Variants in P4HA3 observed in about 807,000 individuals in gnomAD.
P4HA3 encodes the protein prolyl 4-hydroxylase subunit alpha 3.
Under a neutral mutation model 66.7 loss-of-function variants are expected in P4HA3, and 60 were observed. That is an observed-to-expected ratio of 0.90 (90% CI 0.73 to 1.12). The LOEUF (loss-of-function observed/expected upper bound fraction) is 1.12. Ranked by LOEUF, P4HA3 falls within the 50% of genes most tolerant of loss-of-function variation. The probability of loss-of-function intolerance (pLI) is 0.00; values close to 1 mark genes in which losing one functional copy is unlikely to be tolerated. For synonymous variants in P4HA3, 263 were observed against 274.6 expected, an observed-to-expected ratio of 0.96 and a Z score of 0.42; for missense variants, 683 against 685.8, an observed-to-expected ratio of 1.00 and a Z score of 0.05.
chr11:74,304,059 C>A (rs186898909), intron 2 of P4HA3, among the ~76,000 whole-genome samples: 4 of 152,102 alleles, frequency 2.6e-5, no homozygotes, highest in South Asian at 2.1e-4. Context: ...TCAAATGAGA[C>A]AATTGATATG....
At chr11:74,268,040 T>C (rs939236565) in intron 12 of P4HA3, 105 bp downstream of exon 12, 68 of 961,442 alleles carry the variant, frequency 7.1e-5, no homozygotes, top group South Asian at 2.3e-4. Context: ...GGCACTGTAA[T>C]GAAGCGTTTG....
At chr11:74,253,382 T>G in intron 15 of P4HA3, 2 of 1,122,550 alleles carry the variant, frequency 1.8e-6, no homozygotes, top group Non-Finnish European at 2.6e-6. Context: ...GGGTCAGATT[T>G]GCCAGGGCCT....
chr11:74,293,196 T>C (rs1256096388), intron 4 of P4HA3, among the ~76,000 whole-genome samples: 3 of 151,152 alleles, frequency 2.0e-5, no homozygotes, highest in African/African-American at 4.9e-5. Context: ...TTTACCATTA[T>C]GTAATGGCCT....
rs1860418313 is a variant in P4HA3 at position 74,276,977 on chromosome 11, A to G, written c.1335+8T>C. ...CCCCAGGGGATTGGTCATTGACTCC[A>G]CCATTACCGTAGCATGGTCAAAGTG... is the stretch of plus-strand genomic sequence containing the variant. On this transcript the variant is annotated splice_region_variant and intron_variant, in intron 9 of 12. Coordinates refer to ENST00000331597, the MANE Select transcript of P4HA3 (RefSeq NM_182904.5). 3 of 1,610,244 alleles carry G rather than the reference A, an allele frequency of 1.9e-6. No homozygotes were observed. The highest frequency in any genetic ancestry group is 2.5e-6 in the Non-Finnish European group (3 of 1,177,594).
At chr11:74,263,223 G>A (rs1238832630), downstream of P4HA3, among the ~76,000 whole-genome samples, 1 of 152,240 alleles carries the variant, frequency 6.6e-6, no homozygotes, top group Non-Finnish European at 1.5e-5. Flanking sequence ...TTCTCATGGA[G>A]CAGCTAGCAT....
intron 10 of P4HA3, among the ~76,000 whole-genome samples, chr11:74,272,037 A>C (rs551410593): frequency 6.6e-6 from 1 of 152,312 alleles, no homozygotes; most frequent in East Asian, 1.9e-4. Flanking sequence ...CAGGGCAAAA[A>C]GTGAGCTCAC....
At chr11:74,283,316 G>T (rs577936495) in intron 7 of P4HA3, among the ~76,000 whole-genome samples, 42 of 151,820 alleles carry the variant, frequency 2.8e-4, no homozygotes, top group African/African-American at 9.9e-4. Context: ...AAAAGCAGCT[G>T]CTGGCCAAAA....
At position 74,269,681 on chromosome 11, in the gene P4HA3, AG is replaced by A; in HGVS notation, c.1437del (p.Tyr480MetfsTer128). Reference sequence around the variant, plus strand: ...ACCACAGGCACGCTGAGGTTGGCATAGATGAAGGCTGTGGCTCCTCCAGCTT... The same window carrying A: ...ACCACAGGCACGCTGAGGTTGGCATAATGAAGGCTGTGGCTCCTCCAGCTT... ...SVEAGGATAF[I>X]YANLSVPVVR... is the part of the protein sequence containing the mutation. On this transcript the variant is annotated frameshift_variant, in exon 11 of 13. Transcript: ENST00000331597. LOFTEE classifies it high-confidence loss of function. The A allele has an allele frequency of 6.2e-7, 1 of 1,614,018 alleles. No individual in the cohort carries two copies. The highest frequency in any genetic ancestry group is 8.5e-7 in the Non-Finnish European group (1 of 1,179,922).
At chr11:74,286,573 A>AT (rs1241314446) in intron 5 of P4HA3, among the ~76,000 whole-genome samples, 182 bp from the exon 6 acceptor site, 3 of 152,172 alleles carry the variant, frequency 2.0e-5, no homozygotes, top group Admixed American at 6.5e-5. Flanking sequence ...ACTACCTGGT[A>AT]TTTTTTTAAA....
chr11:74,253,880 A>T (rs1859768230), intron 15 of P4HA3: 3 of 357,154 alleles, frequency 8.4e-6, no homozygotes, highest in Non-Finnish European at 1.5e-5. Flanking sequence ...AGGCTCAGGG[A>T]CCTCCATTCC....
chr11:74,267,130 A>C lies in P4HA3; in HGVS notation c.*118T>G. The stretch of plus-strand genomic sequence containing the variant: ...GCCTCTGATTTGCGAGGCACAGACA[A>C]AGCTGACAAGGCCTTCTTCCAGGAG... On this transcript the variant is annotated 3_prime_UTR_variant, in exon 13 of 13. Coordinates refer to ENST00000331597, the MANE Select transcript of P4HA3 (RefSeq NM_182904.5). 6.4e-7 allele frequency: 1 copy of C among 1,560,812 alleles called. No homozygotes were observed. Among genetic ancestry groups the C allele is most frequent in the South Asian group, 1.2e-5 (1 of 85,956 alleles).
At chr11:74,296,013 G>A (rs905731090) in intron 4 of P4HA3, among the ~76,000 whole-genome samples, 1 of 152,204 alleles carries the variant, frequency 6.6e-6, no homozygotes, top group African/African-American at 2.4e-5. Context: ...TACTTTCAGT[G>A]TCTCAGTTAA....
chr11:74,284,956 C>T (rs1860737986), intron 7 of P4HA3, among the ~76,000 whole-genome samples: 1 of 152,120 alleles, frequency 6.6e-6, no homozygotes, highest in African/African-American at 2.4e-5. Context: ...GGCCCGCTAG[C>T]CCTGATCATT....
At chr11:74,265,881 C>T (rs1399007544), downstream of P4HA3, among the ~76,000 whole-genome samples, 2 of 152,148 alleles carry the variant, frequency 1.3e-5, no homozygotes, top group Admixed American at 6.5e-5. Context: ...AAAGCACTTC[C>T]CCTGCAAGGA....
chr11:74,285,678 G>C, intron 7 of P4HA3, 131 bp downstream of exon 7: 3 of 961,450 alleles, frequency 3.1e-6, no homozygotes, highest in Non-Finnish European at 3.1e-6. Context: ...TAGTTTTATG[G>C]AATGGTTGGC....
At chr11:74,253,395 G>A (rs1048066146) in intron 15 of P4HA3, 16 of 1,283,598 alleles carry the variant, frequency 1.2e-5, no homozygotes, top group Non-Finnish European at 1.5e-5. Flanking sequence ...CAGGGCCTTG[G>A]TGGTCATTAG....
rs1259000182 is a variant in P4HA3, at chr11:74,305,195, T to A, written c.201-783A>T. Among the ~76,000 whole-genome samples, 42 of 152,022 alleles carry A rather than the reference T, an allele frequency of 2.8e-4. 2 individuals carry two copies. Among genetic ancestry groups the A allele is most frequent in the Admixed American group, 2.7e-3 (41 of 15,264 alleles). ...AGAAGTGAGCATATAATGCTGCAGC[T>A]GTGCAGGCAGGGCAGCTCATCCAGG... On this transcript the variant is annotated intron_variant, in intron 1 of 12. Coordinates refer to ENST00000331597, the MANE Select transcript of P4HA3 (RefSeq NM_182904.5).
At chr11:74,274,888 G>A (rs1207417104) in intron 9 of P4HA3, among the ~76,000 whole-genome samples, 1 of 152,258 alleles carries the variant, frequency 6.6e-6, no homozygotes, top group East Asian at 1.9e-4. Context: ...TCATAAGAGA[G>A]TGCAGTGCTA....
intron 15 of P4HA3, chr11:74,250,987 G>T: frequency 6.2e-7 from 1 of 1,602,106 alleles, no homozygotes; most frequent in Admixed American, 1.7e-5. Context: ...CCCCAGTGTG[G>T]CCATGCAGTC....
Sources: gnomAD v4.1 joint callset for allele counts (sites outside exome capture counted in the v4.1 genomes callset) on GRCh38, gnomAD v4.1.1 for gene constraint, MANE v1.5 for transcripts, NCBI Gene and HGNC (gene_info 2026-07-23, HGNC 2026-07-21) for gene names.